PIGN: variants seen among roughly 807,000 people sequenced by gnomAD.
The protein encoded by PIGN is phosphatidylinositol glycan anchor biosynthesis class N.
A neutral mutation model predicts 125.4 loss-of-function variants in PIGN; 117 were observed. The ratio of observed to expected loss-of-function variants is 0.93; its 90% CI spans 0.80 to 1.09. PIGN has a LOEUF of 1.09. PIGN is among the 50% of genes least tolerant of loss of function. The pLI, the probability that PIGN is intolerant of heterozygous loss-of-function variation, is 0.00. For missense variants in PIGN, 1,075 were observed against 1,094.9 expected (o/e 0.98, Z 0.26); for synonymous variants, 392 against 377.8 (o/e 1.04, Z -0.44).
chr18:62,086,061 C>A lies in PIGN; in HGVS notation c.2371-797G>T, dbSNP rs534840466. Among the ~76,000 whole-genome samples the A allele has an allele frequency of 8.5e-5, 13 of 152,284 alleles. No homozygotes were observed. The South Asian group carries it at 2.7e-3, about 32-fold the overall frequency. ...TCAGTGATTCAACGAATCATCTAAG[C>A]AACCGTTTATTGTCTAGTAGATGTC... On this transcript the variant is annotated intron_variant, in intron 25 of 30. Coordinates refer to ENST00000640252, the MANE Select transcript of PIGN (RefSeq NM_176787.5).
chr18:62,117,901 T>C (rs970812622), intron 14 of PIGN, among the ~76,000 whole-genome samples: 11 of 152,102 alleles, frequency 7.2e-5, no homozygotes, highest in Admixed American at 3.9e-4. Flanking sequence ...AGGATTTCAT[T>C]CTTTTTTATG....
intron 23 of PIGN, among the ~76,000 whole-genome samples, chr18:62,033,947 A>G (rs1396132395): frequency 6.6e-6 from 1 of 152,220 alleles, no homozygotes; most frequent in Non-Finnish European, 1.5e-5. Context: ...TTACAGATGA[A>G]TCAGTTGAGA....
Position 62,081,633 on chromosome 18 carries a change from TC to T in PIGN, c.2576+1039del, listed in dbSNP as rs544736716. On this transcript the variant is annotated intron_variant, in intron 28 of 30. Coordinates refer to ENST00000640252, the MANE Select transcript of PIGN (RefSeq NM_176787.5). Reference sequence around the variant, plus strand: ...AGCCTTCTATTTCTCATTCCACATGTCCCCAGCTCTTCTTATTTAAACCTTA... The same window carrying T: ...AGCCTTCTATTTCTCATTCCACATGTCCCAGCTCTTCTTATTTAAACCTTA... 1.5e-4 allele frequency among the ~76,000 whole-genome samples: 23 copies of T among 152,256 alleles called. No individual in the cohort carries two copies. The East Asian group carries it at 3.7e-3, about 24-fold the overall frequency.
chr18:62,112,379 G>A (rs1299771150), intron 16 of PIGN, among the ~76,000 whole-genome samples: 2 of 152,078 alleles, frequency 1.3e-5, no homozygotes, highest in African/African-American at 2.4e-5. Flanking sequence ...TAGAGAACTT[G>A]AACATGGTAA....
intron 20 of PIGN, 71 bp from the exon 21 acceptor site, chr18:62,102,973 G>A (rs1372863203): frequency 7.6e-6 from 6 of 790,216 alleles, no homozygotes; most frequent in Non-Finnish European, 9.7e-6. Flanking sequence ...GGAAATATGA[G>A]ACATCTTACT....
rs1329016852 is a variant in PIGN, at chr18:62,042,314, C to T, written c.*3542G>A. 1 of 151,216 alleles carries T rather than the reference C, an allele frequency of 6.6e-6. No individual in the cohort carries two copies. Among genetic ancestry groups the T allele is most frequent in the East Asian group, 1.9e-4 (1 of 5,146 alleles). The allele number at this position is 151,216 out of a possible 1,614,324, so 9.4% of individuals were successfully genotyped here. A position where few individuals can be genotyped will look rare whatever the true frequency, so the allele number is the denominator to read the frequency against. On this transcript the variant is annotated 3_prime_UTR_variant, in exon 31 of 31. Transcript: ENST00000640252. ...CCAGCCTTGGCGAGAGAGCCAGAGT[C>T]TGTCTTGAAAAAAAAAGAAAGAAAG...
At chr18:62,121,866 C>G (rs531309909) in intron 14 of PIGN, among the ~76,000 whole-genome samples, 3 of 151,678 alleles carry the variant, frequency 2.0e-5, no homozygotes, top group Non-Finnish European at 2.9e-5. Flanking sequence ...TATTGATTTC[C>G]TTTCTTTTAG....
chr18:62,018,371 T>G (rs1215149025), intron 23 of PIGN, among the ~76,000 whole-genome samples: 2 of 152,222 alleles, frequency 1.3e-5, no homozygotes, highest in African/African-American at 4.8e-5. Flanking sequence ...TTCCGTTTGA[T>G]CCGTACACAT....
At chr18:62,144,047 G>A (rs76887756) in intron 10 of PIGN, among the ~76,000 whole-genome samples, 10,425 of 152,066 alleles carry the variant, frequency 0.069, 672 homozygotes, top group African/African-American at 0.17. Context: ...TTAAAAATAC[G>A]TTTCTGACTC....
chr18:62,140,384 T>A (rs752543168), intron 12 of PIGN, 36 bp downstream of exon 12: 2 of 952,096 alleles, frequency 2.1e-6, no homozygotes, highest in Non-Finnish European at 3.2e-6. Flanking sequence ...AGTTTTTTTT[T>A]ATACTGAGAG....
At chr18:62,079,323 G>A (rs1258994241) in intron 28 of PIGN, among the ~76,000 whole-genome samples, 1 of 152,152 alleles carries the variant, frequency 6.6e-6, no homozygotes, top group East Asian at 1.9e-4. Flanking sequence ...TCCCCAGGTA[G>A]ACAGTAAGCT....
At chr18:62,168,020 C>A (rs924793896) in intron 1 of PIGN, among the ~76,000 whole-genome samples, 1 of 151,350 alleles carries the variant, frequency 6.6e-6, no homozygotes, top group Non-Finnish European at 1.5e-5. Context: ...AATGGAGAAA[C>A]CCTATCTCTA....
Position 62,082,730 on chromosome 18 carries a change from A to G in PIGN, c.2519T>C (p.Val840Ala), listed in dbSNP as rs779971442. 28 of 1,544,602 alleles carry G rather than the reference A, an allele frequency of 1.8e-5. No homozygotes were observed. Among genetic ancestry groups the G allele is most frequent in the Non-Finnish European group, 2.5e-5 (28 of 1,136,054 alleles). The change falls in exon 28 of 31, where the codon GTT (valine) becomes GCT (alanine). Residue 840 changes from valine to alanine, a missense_variant. Transcript: ENST00000640252. ...TGCTTCAAAAGCACACATAACAAGA[A>G]CAAAGGGGATTAAAATCTGTAAAAG... ...LMMWKILIPF[V>A]LVMCAFEAVQ... is the part of the protein sequence containing the mutation.
intron 20 of PIGN, among the ~76,000 whole-genome samples, chr18:62,104,432 T>C (rs145417656): frequency 6.6e-5 from 10 of 152,314 alleles, no homozygotes; most frequent in Non-Finnish European, 1.3e-4. Context: ...CAGAGCTATC[T>C]GAAGCAAGAA....
chr18:62,138,263 T>C lies in PIGN; in HGVS notation c.1152A>G (p.Pro384=). ...CTTACTTAAATGGTGTAAACAAAAA[T>C]GGTAAAGTAACTTCTTTCTTCTGAG... is the stretch of plus-strand genomic sequence containing the variant. ...KMTQKKEVTL[P]FLFTPFKLLS... Residue 384 remains proline, a synonymous_variant, in exon 14 of 31, where the codon CCA becomes CCG. Coordinates refer to ENST00000640252, the MANE Select transcript of PIGN (RefSeq NM_176787.5). The C allele has an allele frequency of 6.5e-7, 1 of 1,548,036 alleles. No individual in the cohort carries two copies. Among genetic ancestry groups the C allele is most frequent in the Non-Finnish European group, 8.7e-7 (1 of 1,145,672 alleles).
chr18:62,025,395 G>A (rs2030104939), intron 23 of PIGN, among the ~76,000 whole-genome samples: 1 of 152,132 alleles, frequency 6.6e-6, no homozygotes, highest in Admixed American at 6.5e-5. Flanking sequence ...AGAGATAATA[G>A]GTGTTTCAGG....
chr18:62,178,600 TAAA>T (rs36043989), intron 1 of PIGN, among the ~76,000 whole-genome samples: 1 of 139,620 alleles, frequency 7.2e-6, no homozygotes, highest in Admixed American at 7.2e-5. Context: ...AAGACCCACT[TAAA>T]AAAAAAAAAA....
chr18:62,120,128 T>A (rs2035243665), intron 14 of PIGN, among the ~76,000 whole-genome samples: 1 of 151,768 alleles, frequency 6.6e-6, no homozygotes, highest in African/African-American at 2.4e-5. Flanking sequence ...GCAAAATAAG[T>A]ACAAAGAAAA....
intron 11 of PIGN, 114 bp downstream of exon 11, chr18:62,143,192 A>C: frequency 1.6e-6 from 1 of 638,726 alleles, no homozygotes; most frequent in Non-Finnish European, 2.7e-6. Context: ...AGTAACTGAA[A>C]TGTTTTGAAA....
Sources: allele counts gnomAD v4.1 joint callset (sites outside exome capture counted in the v4.1 genomes callset), GRCh38; gene constraint gnomAD v4.1.1; transcripts MANE v1.5; gene names NCBI Gene and HGNC (gene_info 2026-07-23, HGNC 2026-07-21).